The following KCND2 variants were observed in gnomAD, a reference collection of about 807,000 sequenced individuals.
The protein encoded by KCND2 is A-type voltage-gated potassium channel KCND2.
Under a neutral mutation model 54.4 loss-of-function variants are expected in KCND2, and 16 were observed. That is an observed-to-expected ratio of 0.29 (90% CI 0.20 to 0.45). The LOEUF (loss-of-function observed/expected upper bound fraction) is 0.45, where lower values mean the gene tolerates loss of function less well. Ranked by LOEUF, KCND2 falls within the 20% of genes least tolerant of loss-of-function variation. The pLI, the probability that KCND2 is intolerant of heterozygous loss-of-function variation, is 1.00. For synonymous variants in KCND2, 317 were observed against 310.7 expected, an observed-to-expected ratio of 1.02 and a Z score of -0.21; for missense variants, 486 against 824.2, an observed-to-expected ratio of 0.59 and a Z score of 5.02.
In KCND2 at chr7:120,365,211, AAGGG is replaced by A. The variant is rs756083868; in HGVS notation, c.1115+89484_1115+89487del. Among the ~76,000 whole-genome samples the A allele has an allele frequency of 4.3e-3, 489 of 113,484 alleles. 3 individuals carry two copies. Among genetic ancestry groups the A allele is most frequent in the Non-Finnish European group, 6.6e-3 (372 of 56,590 alleles). 74.4% of individuals were successfully genotyped at this position (113,484 alleles called of 152,430 possible). A position where few individuals can be genotyped will look rare whatever the true frequency, so the allele number is the denominator to read the frequency against. On this transcript the variant is annotated intron_variant, in intron 1 of 5. Transcript: ENST00000331113. ...GAAGGAAGGGAGGAAAGAAGGAAGGAAGGGAGGGAGGGAGGGAGGGAGGCAGGGA... is the reference window on the plus strand; with the variant it reads ...GAAGGAAGGGAGGAAAGAAGGAAGGAAGGGAGGGAGGGAGGGAGGCAGGGA...
At chr7:120,458,607 AG>A (rs1477592131) in intron 1 of KCND2, among the ~76,000 whole-genome samples, 1 of 152,208 alleles carries the variant, frequency 6.6e-6, no homozygotes, top group Admixed American at 6.5e-5. Flanking sequence ...CTTATGTGAT[AG>A]GGGCTATGAA....
chr7:120,726,592 G>C (rs151034331), intron 1 of KCND2, among the ~76,000 whole-genome samples: 2 of 152,140 alleles, frequency 1.3e-5, no homozygotes, highest in African/African-American at 4.8e-5. Flanking sequence ...GCACATAGAC[G>C]TACACACATA....
At chr7:120,656,387 CAT>C (rs1791803579) in intron 1 of KCND2, among the ~76,000 whole-genome samples, 1 of 152,170 alleles carries the variant, frequency 6.6e-6, no homozygotes, top group South Asian at 2.1e-4. Context: ...GGACTTGACT[CAT>C]AGGTATTTTA....
At chr7:120,425,044 A>G (rs1801684527) in intron 1 of KCND2, among the ~76,000 whole-genome samples, 4 of 152,176 alleles carry the variant, frequency 2.6e-5, no homozygotes, top group Non-Finnish European at 1.5e-5. Flanking sequence ...CTTCAGAATC[A>G]TTTCTCTCTT....
At chr7:120,668,005 A>T (rs757985451) in intron 1 of KCND2, among the ~76,000 whole-genome samples, 1 of 152,072 alleles carries the variant, frequency 6.6e-6, no homozygotes, top group South Asian at 2.1e-4. Flanking sequence ...AAAGTTTATT[A>T]TTATACCTGA....
chr7:120,370,527 A>G (rs1800750968), intron 1 of KCND2, among the ~76,000 whole-genome samples: 1 of 152,060 alleles, frequency 6.6e-6, no homozygotes, highest in African/African-American at 2.4e-5. Context: ...GGCAAATAAC[A>G]TTCATAGCAA....
chr7:120,351,410 A>ACTCTCT (rs1313700156), intron 1 of KCND2, among the ~76,000 whole-genome samples: 9 of 96,110 alleles, frequency 9.4e-5, no homozygotes, highest in Non-Finnish European at 1.5e-4. Flanking sequence ...ACACACACAC[A>ACTCTCT]CACTCTCTCT....
intron 1 of KCND2, among the ~76,000 whole-genome samples, chr7:120,456,105 G>A (rs1384973376): frequency 2.0e-5 from 3 of 152,132 alleles, no homozygotes; most frequent in Non-Finnish European, 2.9e-5. Flanking sequence ...TATAAAGAAG[G>A]TCAGCAGGCT....
chr7:120,360,288 G>C (rs1800574933), intron 1 of KCND2, among the ~76,000 whole-genome samples: 1 of 152,038 alleles, frequency 6.6e-6, no homozygotes, highest in Non-Finnish European at 1.5e-5. Flanking sequence ...TTGATATCAA[G>C]GAGCCTTAAA....
chr7:120,279,166 C>G (rs1799225464), intron 1 of KCND2, among the ~76,000 whole-genome samples: 3 of 151,960 alleles, frequency 2.0e-5, no homozygotes, highest in Admixed American at 2.0e-4. Context: ...TAATCAAAAA[C>G]TATTTTGTAA....
intron 1 of KCND2, among the ~76,000 whole-genome samples, chr7:120,340,073 T>C (rs1447984768): frequency 6.6e-6 from 1 of 152,158 alleles, no homozygotes; most frequent in African/African-American, 2.4e-5. Context: ...CACTTGACTT[T>C]TACACTGAGA....
intron 2 of KCND2, among the ~76,000 whole-genome samples, chr7:120,737,178 A>C (rs1792885450): frequency 6.6e-6 from 1 of 151,806 alleles, no homozygotes; most frequent in Non-Finnish European, 1.5e-5. Flanking sequence ...TTTGCTAATA[A>C]ATTCCCAGGT....
chr7:120,545,210 A>C (rs909286378), intron 1 of KCND2, among the ~76,000 whole-genome samples: 1 of 151,878 alleles, frequency 6.6e-6, no homozygotes, highest in Non-Finnish European at 1.5e-5. Context: ...TCTGTTTCCC[A>C]CCCATCAATC....
At chr7:120,340,482 T>C (rs1200567110) in intron 1 of KCND2, among the ~76,000 whole-genome samples, 1 of 152,182 alleles carries the variant, frequency 6.6e-6, no homozygotes, top group East Asian at 1.9e-4. Flanking sequence ...AACTTCAGTT[T>C]TGGGCATGCT....
chr7:120,508,307 A>G (rs1584806610), intron 1 of KCND2, among the ~76,000 whole-genome samples: 1 of 151,944 alleles, frequency 6.6e-6, no homozygotes, highest in African/African-American at 2.4e-5. Flanking sequence ...TCATTGTTAC[A>G]TATTTCTGTT....
At chr7:120,321,738 G>A (rs1030282830) in intron 1 of KCND2, among the ~76,000 whole-genome samples, 36 of 152,062 alleles carry the variant, frequency 2.4e-4, no homozygotes, top group African/African-American at 8.4e-4. Flanking sequence ...ACTGCCTAAT[G>A]TTCTTTTTAT....
chr7:120,467,343 A>C (rs1257462471), intron 1 of KCND2, among the ~76,000 whole-genome samples: 3 of 152,168 alleles, frequency 2.0e-5, no homozygotes, highest in African/African-American at 7.2e-5. Flanking sequence ...TCTCAAGACT[A>C]AACTAGAACA....
At chr7:120,693,813 C>G (rs1276770973) in intron 1 of KCND2, among the ~76,000 whole-genome samples, 1 of 152,208 alleles carries the variant, frequency 6.6e-6, no homozygotes, top group Non-Finnish European at 1.5e-5. Flanking sequence ...ATCTGCCTCT[C>G]TCCTTTCTGC....
chr7:120,680,861 T>G (rs748541485), intron 1 of KCND2, among the ~76,000 whole-genome samples: 1 of 152,084 alleles, frequency 6.6e-6, no homozygotes, highest in Non-Finnish European at 1.5e-5. Context: ...GTGATAATTT[T>G]TGTTTTAAAT....
Sources: gnomAD v4.1 joint callset for allele counts (sites outside exome capture counted in the v4.1 genomes callset) on GRCh38, gnomAD v4.1.1 for gene constraint, MANE v1.5 for transcripts, NCBI Gene and HGNC (gene_info 2026-07-23, HGNC 2026-07-21) for gene names.